Variants in TAF4B observed in about 807,000 individuals in gnomAD.
TAF4B encodes the protein TATA-box binding protein associated factor 4b.
A neutral mutation model predicts 86.4 loss-of-function variants in TAF4B; 38 were observed. The observed-to-expected ratio is 0.44, with a 90% CI of 0.34 to 0.58. TAF4B has a LOEUF of 0.58. TAF4B is among the 20% of genes least tolerant of loss of function. The pLI is 0.02. For missense variants in TAF4B, 988 were observed against 1,027.6 expected (o/e 0.96, Z 0.53); for synonymous variants, 388 against 391.2 (o/e 0.99, Z 0.10).
At position 26,386,113 on chromosome 18, in the gene TAF4B, G is replaced by A. The variant is rs550059235; in HGVS notation, c.2422-3732G>A. On this transcript the variant is annotated intron_variant, in intron 14 of 14. Transcript: ENST00000269142. ...GAATTATGAAAGACATTTCTGTTGGGTTACTGAATGTCCCTTGGGGTTTTT... is the reference window on the plus strand; with the variant it reads ...GAATTATGAAAGACATTTCTGTTGGATTACTGAATGTCCCTTGGGGTTTTT... 2.0e-5 allele frequency among the ~76,000 whole-genome samples: 3 copies of A among 152,240 alleles called. No individual in the cohort carries two copies. In the East Asian group the frequency reaches 5.8e-4, roughly 29 times the overall value.
At chr18:26,292,858 C>G (rs2056610631) in intron 8 of TAF4B, among the ~76,000 whole-genome samples, 1 of 152,030 alleles carries the variant, frequency 6.6e-6, no homozygotes, top group Non-Finnish European at 1.5e-5. Flanking sequence ...TACATAGAAA[C>G]TTTTTAGGGT....
intron 13 of TAF4B, among the ~76,000 whole-genome samples, chr18:26,356,885 A>G (rs568228188): frequency 2.6e-5 from 4 of 151,042 alleles, no homozygotes; most frequent in East Asian, 3.9e-4. Context: ...GACATCTTTC[A>G]TGCATACCCC....
chr18:26,381,614 C>G (rs779805029), intron 14 of TAF4B, among the ~76,000 whole-genome samples: 1 of 151,866 alleles, frequency 6.6e-6, no homozygotes, highest in Non-Finnish European at 1.5e-5. Flanking sequence ...GTAATCCCAG[C>G]TACTCGAGAG....
intron 1 of TAF4B, among the ~76,000 whole-genome samples, chr18:26,253,594 T>C (rs114518775): frequency 6.6e-6 from 1 of 152,180 alleles, no homozygotes; most frequent in South Asian, 2.1e-4. Context: ...ATAGATTGAG[T>C]TGGGACGTGT....
chr18:26,292,269 C>T lies in TAF4B; in HGVS notation c.1614C>T (p.Gly538=), dbSNP rs777710882. 1 of 1,613,946 alleles carries T rather than the reference C, an allele frequency of 6.2e-7. No homozygotes were observed. The highest frequency in any genetic ancestry group is 8.5e-7 in the Non-Finnish European group (1 of 1,179,946). The change falls in exon 8 of 15, where the codon GGC becomes GGT. Residue 538 remains glycine (G), a synonymous_variant. Transcript: ENST00000269142. The stretch of plus-strand genomic sequence containing the variant: ...AGGTAGTTCAGCAGCCTTCAGGAGG[C>T]AATGAAAAACAAGTGACCACAATTT... ...KQLVVQQPSG[G]NEKQVTTISH... is the part of the protein sequence containing the mutation.
In TAF4B at chr18:26,315,212, T is replaced by A. The variant is rs1408180667; in HGVS notation, c.1833-17T>A. The A allele has an allele frequency of 2.6e-6, 4 of 1,547,248 alleles. No individual in the cohort carries two copies. ...ACACACAACCTAAAATGTATAACTT[T>A]TTTTTTTTTCTATTAGAGATGAGGA... On this transcript the variant is annotated splice_polypyrimidine_tract_variant and intron_variant, in intron 9 of 14. Coordinates refer to ENST00000269142, the MANE Select transcript of TAF4B (RefSeq NM_005640.3).
chr18:26,297,872 A>G (rs2056683512), intron 9 of TAF4B, among the ~76,000 whole-genome samples: 1 of 152,132 alleles, frequency 6.6e-6, no homozygotes, highest in Non-Finnish European at 1.5e-5. Context: ...GCTGAGTCGT[A>G]TGGTAGGTAT....
At chr18:26,293,116 T>C (rs1193545074) in intron 8 of TAF4B, among the ~76,000 whole-genome samples, 1 of 152,212 alleles carries the variant, frequency 6.6e-6, no homozygotes, top group Non-Finnish European at 1.5e-5. Flanking sequence ...TAGAGCTTTA[T>C]GTATTTTTAA....
chr18:26,282,670 C>T (rs1286536942), intron 6 of TAF4B, among the ~76,000 whole-genome samples: 1 of 152,140 alleles, frequency 6.6e-6, no homozygotes, highest in Non-Finnish European at 1.5e-5. Context: ...GACAACAGTG[C>T]AATTTGTGTC....
At chr18:26,292,500 T>C (rs552806091) in intron 8 of TAF4B, 119 bp downstream of exon 8, 9 of 1,073,456 alleles carry the variant, frequency 8.4e-6, no homozygotes, top group Admixed American at 2.8e-5. Context: ...TTGGCACCCA[T>C]TGAGAGAAAA....
Position 26,391,398 on chromosome 18 carries a change from A to G in TAF4B, c.*1386A>G, listed in dbSNP as rs1417608636. The G allele has an allele frequency of 6.6e-6, 1 of 151,026 alleles. No individual in the cohort carries two copies. Among genetic ancestry groups the G allele is most frequent in the Non-Finnish European group, 1.5e-5 (1 of 67,800 alleles). 9.4% of individuals were successfully genotyped at this position (151,026 alleles called of 1,614,324 possible). ...AAACACCTCACGTATGTTATTCTTCATCCTGTTCTTCCCATTGGGACTGTT... is the reference window on the plus strand; with the variant it reads ...AAACACCTCACGTATGTTATTCTTCGTCCTGTTCTTCCCATTGGGACTGTT... On this transcript the variant is annotated 3_prime_UTR_variant, in exon 15 of 15. Coordinates refer to ENST00000269142, the MANE Select transcript of TAF4B (RefSeq NM_005640.3).
chr18:26,300,784 G>A (rs1397002871), intron 9 of TAF4B, among the ~76,000 whole-genome samples: 1 of 151,780 alleles, frequency 6.6e-6, no homozygotes, highest in Non-Finnish European at 1.5e-5. Flanking sequence ...TATACCCTGG[G>A]CTTTTTTTTG....
intron 14 of TAF4B, among the ~76,000 whole-genome samples, chr18:26,375,365 A>G (rs965133117): frequency 6.6e-6 from 1 of 152,162 alleles, no homozygotes; most frequent in Non-Finnish European, 1.5e-5. Flanking sequence ...TAATGCTGCT[A>G]TGTACATTCA....
chr18:26,378,624 G>A (rs1348422276), intron 14 of TAF4B, among the ~76,000 whole-genome samples: 1 of 152,134 alleles, frequency 6.6e-6, no homozygotes, highest in Non-Finnish European at 1.5e-5. Context: ...ACAATAGAAT[G>A]TATTGGTTTT....
At chr18:26,332,899 G>T (rs1468569277) in intron 12 of TAF4B, among the ~76,000 whole-genome samples, 1 of 152,034 alleles carries the variant, frequency 6.6e-6, no homozygotes, top group Admixed American at 6.6e-5. Context: ...GGCAACACAT[G>T]ATCTCCAGCC....
chr18:26,373,216 G>A (rs2057418806), intron 14 of TAF4B, among the ~76,000 whole-genome samples: 1 of 152,148 alleles, frequency 6.6e-6, no homozygotes, highest in Admixed American at 6.5e-5. Flanking sequence ...AATGGGGATT[G>A]ACCCCTTTCT....
chr18:26,381,754 TAAATAAA>T (rs2057480830), intron 14 of TAF4B, among the ~76,000 whole-genome samples: 1 of 151,464 alleles, frequency 6.6e-6, no homozygotes, highest in Admixed American at 6.6e-5. Context: ...AATAAATAAA[TAAATAAA>T]TAAATAAATC....
At chr18:26,291,947 C>T (rs907268667) in intron 7 of TAF4B, among the ~76,000 whole-genome samples, 2 of 152,060 alleles carry the variant, frequency 1.3e-5, no homozygotes, top group African/African-American at 4.8e-5. Context: ...TGTTTTTATA[C>T]ATGCTTTAAA....
intron 13 of TAF4B, among the ~76,000 whole-genome samples, chr18:26,337,542 C>T (rs1028878387): frequency 2.6e-5 from 4 of 151,614 alleles, no homozygotes; most frequent in African/African-American, 9.7e-5. Context: ...CCAGCCTCAG[C>T]CTCCCGAGTA....
Sources: gnomAD v4.1 joint callset for allele counts (sites outside exome capture counted in the v4.1 genomes callset) on GRCh38, gnomAD v4.1.1 for gene constraint, MANE v1.5 for transcripts, NCBI Gene and HGNC (gene_info 2026-07-23, HGNC 2026-07-21) for gene names.